CLIP4: variants seen among roughly 807,000 people sequenced by gnomAD.
CLIP4 encodes CAP-Gly domain-containing linker protein 4.
Under a neutral mutation model 73.1 loss-of-function variants are expected in CLIP4, and 47 were observed. The observed-to-expected ratio is 0.64, with a 90% confidence interval of 0.51 to 0.82. The LOEUF is 0.82. Ranked by LOEUF, CLIP4 falls within the 40% of genes least tolerant of loss-of-function variation. CLIP4 has a pLI of 0.00. For synonymous variants in CLIP4, 306 were observed against 295.4 expected (o/e 1.04, Z -0.37); for missense variants, 874 against 852.9 (o/e 1.02, Z -0.31).
intron 2 of CLIP4, 131 bp downstream of exon 2, chr2:29,121,652 T>A: frequency 9.7e-7 from 1 of 1,029,814 alleles, no homozygotes; most frequent in Non-Finnish European, 1.4e-6. Context: ...TTTTCCTTTT[T>A]CAAAAATACA....
At chr2:29,176,113 C>G (rs997325502) in intron 15 of CLIP4, among the ~76,000 whole-genome samples, 11 of 152,212 alleles carry the variant, frequency 7.2e-5, no homozygotes, top group Non-Finnish European at 1.6e-4. Context: ...ATAAAGTGTG[C>G]AACCAAAATG....
At chr2:29,175,793 G>C (rs1668291958) in intron 15 of CLIP4, among the ~76,000 whole-genome samples, 1 of 151,888 alleles carries the variant, frequency 6.6e-6, no homozygotes, top group Non-Finnish European at 1.5e-5. Context: ...ACAGAGTCTT[G>C]CTCTGTCACC....
intron 15 of CLIP4, among the ~76,000 whole-genome samples, chr2:29,177,790 G>A (rs575012737): frequency 6.6e-6 from 1 of 152,200 alleles, no homozygotes; most frequent in East Asian, 1.9e-4. Context: ...TGATTATTAT[G>A]TACAAATACC....
intron 3 of CLIP4, 109 bp downstream of exon 3, chr2:29,131,506 T>G: frequency 8.6e-7 from 1 of 1,163,508 alleles, no homozygotes; most frequent in Non-Finnish European, 1.2e-6. Flanking sequence ...CCTTTAAAAG[T>G]TCTGATATTT....
At chr2:29,128,110 T>G (rs1297724948) in intron 2 of CLIP4, among the ~76,000 whole-genome samples, 1 of 151,214 alleles carries the variant, frequency 6.6e-6, no homozygotes, top group Non-Finnish European at 1.5e-5. Context: ...GTTTCACATA[T>G]CAAATAAGCC....
chr2:29,166,530 G>GACACACACACAC (rs55833657), intron 13 of CLIP4, among the ~76,000 whole-genome samples: 2 of 146,914 alleles, frequency 1.4e-5, no homozygotes, highest in African/African-American at 2.5e-5. Flanking sequence ...TACACACACA[G>GACACACACACAC]ACACACACAC....
rs1053576028 is a variant in CLIP4, at chr2:29,168,106, C to T, written c.1723+566C>T. On this transcript the variant is annotated intron_variant, in intron 14 of 15. Transcript: ENST00000320081. ...TACTCTATCTGCCATGGACCAGAGC[C>T]TCTGCTTCTCCTCACCTCATTAGTA... Among the ~76,000 whole-genome samples the T allele has an allele frequency of 2.0e-5, 3 of 152,206 alleles. No individual in the cohort carries two copies. The East Asian group carries it at 5.8e-4, about 29-fold the overall frequency.
chr2:29,112,209 T>A (rs1572860708), upstream of CLIP4, among the ~76,000 whole-genome samples: 1 of 152,220 alleles, frequency 6.6e-6, no homozygotes, highest in South Asian at 2.1e-4. Context: ...TCTGCTCTGG[T>A]TTTTATAATT....
At chr2:29,147,105 T>G (rs1162352742) in intron 8 of CLIP4, among the ~76,000 whole-genome samples, 1 of 152,210 alleles carries the variant, frequency 6.6e-6, no homozygotes, top group Non-Finnish European at 1.5e-5. Context: ...TCTTTACATA[T>G]TGTTTGAAAA....
chr2:29,152,245 T>C (rs980669499), intron 8 of CLIP4, among the ~76,000 whole-genome samples: 1 of 152,206 alleles, frequency 6.6e-6, no homozygotes, highest in African/African-American at 2.4e-5. Flanking sequence ...GAATAGATTT[T>C]TATGCTCTAT....
chr2:29,135,299 G>A (rs998262922), intron 5 of CLIP4, among the ~76,000 whole-genome samples: 1 of 152,040 alleles, frequency 6.6e-6, no homozygotes, highest in African/African-American at 2.4e-5. Context: ...TTTAAAATAT[G>A]TTTTAGTTTG....
intron 14 of CLIP4, among the ~76,000 whole-genome samples, chr2:29,173,496 C>T (rs1668142662): frequency 6.6e-6 from 1 of 152,160 alleles, no homozygotes; most frequent in Admixed American, 6.5e-5. Flanking sequence ...AAGGTGAAAG[C>T]CCAGGTTCTC....
chr2:29,141,978 TA>T (rs1407050494), intron 6 of CLIP4, among the ~76,000 whole-genome samples: 5 of 152,192 alleles, frequency 3.3e-5, no homozygotes, highest in Non-Finnish European at 7.4e-5. Context: ...AGAACTCTCT[TA>T]ATCATCTTTT....
At chr2:29,107,093 G>C (rs907385513) in intron 1 of CLIP4, among the ~76,000 whole-genome samples, 2 of 152,090 alleles carry the variant, frequency 1.3e-5, no homozygotes, top group African/African-American at 2.4e-5. Flanking sequence ...TTGATCCATT[G>C]TTGACAAGGT....
Position 29,152,606 on chromosome 2 carries a change from T to C in CLIP4, c.1022-79T>C, listed in dbSNP as rs559574395. 14 of 1,440,822 alleles carry C rather than the reference T, an allele frequency of 9.7e-6. No individual in the cohort carries two copies. The South Asian group carries it at 1.6e-4, about 16-fold the overall frequency. 89.3% of individuals were successfully genotyped at this position (1,440,822 alleles called of 1,614,324 possible). A position where few individuals can be genotyped will look rare whatever the true frequency, so the allele number is the denominator to read the frequency against. ...ACTAAAGGTTTATATTAAAGATTTA[T>C]GTTACTAATTAGTTGTACTTGTTCC... is the stretch of plus-strand genomic sequence containing the variant. On this transcript the variant is annotated intron_variant, in intron 8 of 15. Coordinates refer to ENST00000320081, the MANE Select transcript of CLIP4 (RefSeq NM_024692.6).
chr2:29,151,156 G>A (rs780457817), intron 8 of CLIP4, among the ~76,000 whole-genome samples: 3 of 152,078 alleles, frequency 2.0e-5, no homozygotes, highest in Non-Finnish European at 2.9e-5. Context: ...GGTCATTGTA[G>A]TAAAGTAGAA....
chr2:29,145,462 C>G, intron 8 of CLIP4, 95 bp downstream of exon 8: 1 of 1,037,498 alleles, frequency 9.6e-7, no homozygotes, highest in South Asian at 1.9e-5. Context: ...CTCCTGATTT[C>G]TTATGTGATA....
chr2:29,148,419 A>AT (rs1169074528), intron 8 of CLIP4, among the ~76,000 whole-genome samples: 1 of 152,122 alleles, frequency 6.6e-6, no homozygotes, highest in African/African-American at 2.4e-5. Context: ...TACCTATTAG[A>AT]TTTTTTTAAC....
At chr2:29,118,215 C>T (rs1039936655) in intron 1 of CLIP4, 3 of 152,194 alleles carry the variant, frequency 2.0e-5, no homozygotes, top group Admixed American at 6.5e-5. Flanking sequence ...AACCATATCT[C>T]AAATCTGAAG....
Sources: gnomAD v4.1 joint callset for allele counts (sites outside exome capture counted in the v4.1 genomes callset) on GRCh38, gnomAD v4.1.1 for gene constraint, MANE v1.5 for transcripts, NCBI Gene and HGNC (gene_info 2026-07-23, HGNC 2026-07-21) for gene names.